EXTL3: variants seen among roughly 807,000 people sequenced by gnomAD.
EXTL3 encodes exostosin like glycosyltransferase 3.
Under a neutral mutation model 69.3 loss-of-function variants are expected in EXTL3, and 27 were observed. The observed-to-expected ratio is 0.39, with a 90% CI of 0.29 to 0.54. EXTL3 has a LOEUF of 0.54. Ranked by LOEUF, EXTL3 falls within the 20% of genes least tolerant of loss-of-function variation. The pLI is 0.69. For synonymous variants in EXTL3, 511 were observed against 499.4 expected, an observed-to-expected ratio of 1.02 and a Z score of -0.31; for missense variants, 1,003 against 1,231.8, an observed-to-expected ratio of 0.81 and a Z score of 2.78.
chr8:28,618,181 T>C (rs1208168279), upstream of EXTL3, among the ~76,000 whole-genome samples: 2 of 152,020 alleles, frequency 1.3e-5, no homozygotes, highest in African/African-American at 4.8e-5. Context: ...AAAAAGACAG[T>C]GAAGCCGGGC....
chr8:28,748,591 C>A (rs966928999), intron 6 of EXTL3, among the ~76,000 whole-genome samples: 8 of 152,130 alleles, frequency 5.3e-5, no homozygotes, highest in African/African-American at 1.9e-4. Context: ...GCTGCTCTCA[C>A]CTTAGTTGTC....
chr8:28,676,440 A>G (rs1462940266), intron 1 of EXTL3, among the ~76,000 whole-genome samples: 1 of 152,186 alleles, frequency 6.6e-6, no homozygotes, highest in Non-Finnish European at 1.5e-5. Context: ...CTGTCACACA[A>G]CCCAGATTAT....
intron 1 of EXTL3, among the ~76,000 whole-genome samples, chr8:28,707,473 C>A (rs753171520): frequency 6.6e-6 from 1 of 152,238 alleles, no homozygotes; most frequent in Non-Finnish European, 1.5e-5. Flanking sequence ...GCCCTCTCCT[C>A]CCCATCTTCC....
intron 1 of EXTL3, among the ~76,000 whole-genome samples, chr8:28,692,025 C>T (rs1443252271): frequency 6.6e-6 from 1 of 152,164 alleles, no homozygotes; most frequent in Non-Finnish European, 1.5e-5. Context: ...AAAAAGCTTT[C>T]ATAGTTAACA....
chr8:28,640,099 C>CA (rs1563432735), intron 1 of EXTL3, among the ~76,000 whole-genome samples: 1 of 151,338 alleles, frequency 6.6e-6, no homozygotes, highest in Non-Finnish European at 1.5e-5. Flanking sequence ...GACTCTGTCT[C>CA]AAAAAAAGAA....
At chr8:28,689,486 G>C (rs1800578327) in intron 1 of EXTL3, among the ~76,000 whole-genome samples, 1 of 152,138 alleles carries the variant, frequency 6.6e-6, no homozygotes, top group Non-Finnish European at 1.5e-5. Flanking sequence ...TTTATTCTAA[G>C]TCATTCTCTC....
chr8:28,692,863 A>G (rs1004050635), intron 1 of EXTL3, among the ~76,000 whole-genome samples: 62 of 152,308 alleles, frequency 4.1e-4, no homozygotes, highest in African/African-American at 1.4e-3. Flanking sequence ...CTCAGCCATC[A>G]ACACTCTGCC....
chr8:28,687,084 A>T (rs1199109091), intron 1 of EXTL3, among the ~76,000 whole-genome samples: 1 of 152,150 alleles, frequency 6.6e-6, no homozygotes, highest in African/African-American at 2.4e-5. Context: ...GGTGAGGGAG[A>T]TATAAGGATA....
At chr8:28,744,845 C>G (rs1363957200) in intron 6 of EXTL3, among the ~76,000 whole-genome samples, 1 of 151,202 alleles carries the variant, frequency 6.6e-6, no homozygotes, top group Non-Finnish European at 1.5e-5. Flanking sequence ...CGCCTGTAAT[C>G]CCAGCTACTC....
rs568960159 is a variant in EXTL3, at chr8:28,688,304, A to T, written c.-52-25153A>T. Among the ~76,000 whole-genome samples, 16 of 152,196 alleles carry T rather than the reference A, an allele frequency of 1.1e-4. 1 individual carries two copies. In the South Asian group the frequency reaches 3.1e-3, roughly 30 times the overall value. Reference sequence around the variant, plus strand: ...GGTCTCGAACTCCTGACCTCAGGTGATCCGTCCACCTTGGCCTCCTAAAGT... The same window carrying T: ...GGTCTCGAACTCCTGACCTCAGGTGTTCCGTCCACCTTGGCCTCCTAAAGT... On this transcript the variant is annotated intron_variant, in intron 1 of 6. Coordinates refer to the EXTL3 transcript ENST00000523149.
intron 6 of EXTL3, chr8:28,744,116 G>A (rs534343576): frequency 7.9e-5 from 12 of 152,126 alleles, no homozygotes; most frequent in African/African-American, 2.9e-4. Flanking sequence ...CCTCACAGAA[G>A]CAGATGTTAT....
chr8:28,714,997 C>T (rs1801109481), intron 2 of EXTL3, among the ~76,000 whole-genome samples: 1 of 152,210 alleles, frequency 6.6e-6, no homozygotes, highest in South Asian at 2.1e-4. Flanking sequence ...ATGATGTCTG[C>T]TAATGGAAGA....
upstream of EXTL3, chr8:28,700,081 ACACT>A (rs1800755061): frequency 6.6e-6 from 1 of 152,126 alleles, no homozygotes; most frequent in Non-Finnish European, 1.5e-5. Context: ...TACCCAGGCA[ACACT>A]CACTCCATTT....
chr8:28,647,938 G>A (rs1450733509), intron 1 of EXTL3, among the ~76,000 whole-genome samples: 4 of 145,560 alleles, frequency 2.7e-5, no homozygotes, highest in African/African-American at 5.1e-5. Context: ...GGTTGGGGGT[G>A]GGGGCACTAG....
At chr8:28,730,248 A>G (rs1667843158) in intron 3 of EXTL3, 1 of 152,196 alleles carries the variant, frequency 6.6e-6, no homozygotes, top group Non-Finnish European at 1.5e-5. Context: ...CAAGTAAAAT[A>G]GTCTGTTGGA....
At chr8:28,726,379 A>C (rs1433296495) in intron 3 of EXTL3, among the ~76,000 whole-genome samples, 1 of 152,206 alleles carries the variant, frequency 6.6e-6, no homozygotes, top group Admixed American at 6.5e-5. Flanking sequence ...TGTTAGAAGA[A>C]AACTTTTACT....
chr8:28,613,245 A>G (rs934774244), intron 2 of EXTL3, among the ~76,000 whole-genome samples: 1 of 151,962 alleles, frequency 6.6e-6, no homozygotes, highest in African/African-American at 2.4e-5. Context: ...GTGCAATGGC[A>G]TGATCTTGGT....
At chr8:28,666,785 G>A (rs2130633041) in intron 1 of EXTL3, among the ~76,000 whole-genome samples, 1 of 152,234 alleles carries the variant, frequency 6.6e-6, no homozygotes, top group Admixed American at 6.5e-5. Flanking sequence ...ATGTTGGCCA[G>A]GCTGGTCTCG....
At chr8:28,744,472 AC>A (rs1274663164) in intron 6 of EXTL3, among the ~76,000 whole-genome samples, 1 of 152,114 alleles carries the variant, frequency 6.6e-6, no homozygotes, top group Admixed American at 6.5e-5. Flanking sequence ...AGCCTGGCCA[AC>A]ATGGTGAAAC....
Sources: gnomAD v4.1 joint callset for allele counts (sites outside exome capture counted in the v4.1 genomes callset) on GRCh38, gnomAD v4.1.1 for gene constraint, MANE v1.5 for transcripts, NCBI Gene and HGNC (gene_info 2026-07-23, HGNC 2026-07-21) for gene names.